Variants in NELL2 observed in about 807,000 individuals in gnomAD.
The protein encoded by NELL2 is protein kinase C-binding protein NELL2.
A neutral mutation model predicts 109.6 loss-of-function variants in NELL2; 41 were observed. The observed-to-expected ratio is 0.37, with a 90% CI of 0.29 to 0.49. The LOEUF is 0.49. NELL2 is among the 20% of genes least tolerant of loss of function. The pLI is 0.98. For synonymous variants in NELL2, 355 were observed against 344.7 expected, an observed-to-expected ratio of 1.03 and a Z score of -0.33; for missense variants, 900 against 1,008.3, an observed-to-expected ratio of 0.89 and a Z score of 1.45.
At chr12:44,849,179 A>T (rs1482799758) in intron 2 of NELL2, among the ~76,000 whole-genome samples, 1 of 152,200 alleles carries the variant, frequency 6.6e-6, no homozygotes, top group Non-Finnish European at 1.5e-5. Flanking sequence ...CAAAACAAAA[A>T]ATAATGATAA....
In NELL2 at chr12:44,520,245, A is replaced by T; in HGVS notation, c.2176-16T>A. 2.5e-6 allele frequency: 4 copies of T among 1,598,082 alleles called. No individual in the cohort carries two copies. Among genetic ancestry groups the T allele is most frequent in the Non-Finnish European group, 3.4e-6 (4 of 1,170,980 alleles). On this transcript the variant is annotated splice_polypyrimidine_tract_variant and intron_variant, in intron 18 of 19. Coordinates refer to ENST00000429094, the MANE Select transcript of NELL2 (RefSeq NM_001145108.2). Reference sequence around the variant, plus strand: ...CTTCCCCTTGCTACAAGGAAAGCAGATGTGCAAGGGCAGAGGGAGAGGGAG... The same window carrying T: ...CTTCCCCTTGCTACAAGGAAAGCAGTTGTGCAAGGGCAGAGGGAGAGGGAG...
intron 15 of NELL2, among the ~76,000 whole-genome samples, chr12:44,601,549 A>C (rs1945222680): frequency 6.6e-6 from 1 of 152,162 alleles, no homozygotes; most frequent in African/African-American, 2.4e-5. Flanking sequence ...GAAAACTAGA[A>C]TCCTTTATTG....
chr12:44,577,612 G>A (rs533968837), intron 15 of NELL2, among the ~76,000 whole-genome samples: 6 of 151,706 alleles, frequency 4.0e-5, no homozygotes, highest in African/African-American at 1.5e-4. Context: ...CGAGTAGCTG[G>A]GAATACAGGC....
intron 3 of NELL2, among the ~76,000 whole-genome samples, chr12:44,785,001 T>C (rs1032565298): frequency 5.9e-5 from 9 of 152,206 alleles, no homozygotes; most frequent in Non-Finnish European, 1.2e-4. Context: ...TCACAACTCT[T>C]ATTCAACACC....
chr12:44,628,093 AGTAAAACAAAAATGAGAAAAGAG>A (rs1196146759), intron 13 of NELL2, among the ~76,000 whole-genome samples: 3 of 152,178 alleles, frequency 2.0e-5, no homozygotes, highest in Non-Finnish European at 4.4e-5. Flanking sequence ...TGTGCACAGC[AGTAAAACAAAAATGAGAAAAGAG>A]GGCTAATATG....
chr12:44,676,229 T>C (rs191421599), intron 12 of NELL2, among the ~76,000 whole-genome samples: 167 of 152,248 alleles, frequency 1.1e-3, no homozygotes, highest in African/African-American at 3.9e-3. Flanking sequence ...AAGATATCAA[T>C]AAAATAATTC....
At chr12:44,815,445 T>C (rs1319379714) in intron 3 of NELL2, among the ~76,000 whole-genome samples, 2 of 152,260 alleles carry the variant, frequency 1.3e-5, no homozygotes, top group East Asian at 3.8e-4. Flanking sequence ...TGTTTGGCTT[T>C]AAAATTGAGA....
At chr12:44,686,210 C>T (rs991147209) in intron 12 of NELL2, among the ~76,000 whole-genome samples, 3 of 152,208 alleles carry the variant, frequency 2.0e-5, no homozygotes, top group Non-Finnish European at 4.4e-5. Context: ...ATCACATCGG[C>T]TCCTGAGGCG....
chr12:44,642,241 A>G (rs1946887911), intron 13 of NELL2, among the ~76,000 whole-genome samples: 1 of 152,214 alleles, frequency 6.6e-6, no homozygotes, highest in Non-Finnish European at 1.5e-5. Context: ...CATTCTATCC[A>G]AACTGAAAAA....
chr12:44,760,938 A>G (rs1479315584), intron 9 of NELL2, among the ~76,000 whole-genome samples: 2 of 152,212 alleles, frequency 1.3e-5, no homozygotes, highest in African/African-American at 4.8e-5. Flanking sequence ...CAAAAGAAAC[A>G]TTATGAAAAC....
intron 13 of NELL2, among the ~76,000 whole-genome samples, chr12:44,642,513 T>A (rs1834868922): frequency 1.3e-5 from 2 of 152,192 alleles, no homozygotes; most frequent in East Asian, 1.9e-4. Flanking sequence ...AAAGTTTTAG[T>A]TACCCAAAAA....
intron 2 of NELL2, among the ~76,000 whole-genome samples, chr12:44,819,673 G>T (rs1231532334): frequency 6.6e-6 from 1 of 152,014 alleles, no homozygotes; most frequent in Non-Finnish European, 1.5e-5. Context: ...CTCATGCAGG[G>T]TCACAATTCA....
At chr12:44,739,109 C>T (rs910908685) in intron 9 of NELL2, among the ~76,000 whole-genome samples, 1 of 152,074 alleles carries the variant, frequency 6.6e-6, no homozygotes, top group Admixed American at 6.6e-5. Flanking sequence ...CTTTTTTAGA[C>T]AAAGTCTTCT....
At chr12:44,616,839 G>T (rs1945838792) in intron 13 of NELL2, among the ~76,000 whole-genome samples, 1 of 152,136 alleles carries the variant, frequency 6.6e-6, no homozygotes, top group Non-Finnish European at 1.5e-5. Flanking sequence ...GAGACTTCTT[G>T]CTTTATTCCA....
chr12:44,861,826 T>C (rs1944852440), intron 2 of NELL2, among the ~76,000 whole-genome samples: 1 of 152,200 alleles, frequency 6.6e-6, no homozygotes, highest in Non-Finnish European at 1.5e-5. Flanking sequence ...CCACCAACCA[T>C]GCCAGACAGT....
chr12:44,728,943 T>C (rs1472257766), intron 9 of NELL2, among the ~76,000 whole-genome samples: 2 of 151,494 alleles, frequency 1.3e-5, no homozygotes, highest in African/African-American at 4.9e-5. Context: ...TGATGAAGTT[T>C]ATCATCACTC....
At chr12:44,852,544 C>T (rs373171756) in intron 2 of NELL2, among the ~76,000 whole-genome samples, 57 of 152,222 alleles carry the variant, frequency 3.7e-4, no homozygotes, top group African/African-American at 1.3e-3. Flanking sequence ...CCCATTTTTG[C>T]TTTTCAGATG....
chr12:44,886,147 GAAA>G (rs1945471528), intron 1 of NELL2, among the ~76,000 whole-genome samples: 1 of 146,350 alleles, frequency 6.8e-6, no homozygotes, highest in Non-Finnish European at 1.5e-5. Flanking sequence ...AAGGAAGGAA[GAAA>G]GGGAGAGAAT....
intron 1 of NELL2, among the ~76,000 whole-genome samples, chr12:44,895,490 A>C: frequency 6.6e-6 from 1 of 152,166 alleles, no homozygotes; most frequent in East Asian, 1.9e-4. Flanking sequence ...GATAAATGTA[A>C]ATCACAATTT....
Sources: allele counts gnomAD v4.1 joint callset (sites outside exome capture counted in the v4.1 genomes callset), GRCh38; gene constraint gnomAD v4.1.1; transcripts MANE v1.5; gene names NCBI Gene and HGNC (gene_info 2026-07-23, HGNC 2026-07-21).